The following MCF2L2 variants were observed in gnomAD, a reference collection of about 807,000 sequenced individuals.
MCF2L2 encodes MCF.2 cell line derived transforming sequence-like 2.
Under a neutral mutation model 150.2 loss-of-function variants are expected in MCF2L2, and 102 were observed. The observed-to-expected ratio is 0.68, with a 90% confidence interval of 0.58 to 0.80. The LOEUF (loss-of-function observed/expected upper bound fraction) is 0.80, where lower values mean the gene tolerates loss of function less well. Ranked by LOEUF, MCF2L2 falls within the 30% of genes least tolerant of loss-of-function variation. The pLI, the probability that MCF2L2 is intolerant of heterozygous loss-of-function variation, is 0.00. For synonymous variants in MCF2L2, 465 were observed against 491.3 expected (o/e 0.95, Z 0.71); for missense variants, 1,256 against 1,372.8 (o/e 0.91, Z 1.34).
intron 27 of MCF2L2, among the ~76,000 whole-genome samples, chr3:183,184,022 T>G (rs1371302213): frequency 6.6e-6 from 1 of 152,202 alleles, no homozygotes; most frequent in Non-Finnish European, 1.5e-5. Flanking sequence ...GTTTTGTTTT[T>G]TTGTTTGTTT....
At chr3:183,413,600 T>C (rs73061128) in intron 1 of MCF2L2, among the ~76,000 whole-genome samples, 10,130 of 152,234 alleles carry the variant, frequency 0.067, 486 homozygotes, top group African/African-American at 0.13. Context: ...ATCTCCAGGA[T>C]GCGGTCAAGA....
chr3:183,281,363 T>A (rs1258154324), intron 14 of MCF2L2, among the ~76,000 whole-genome samples: 1 of 116,318 alleles, frequency 8.6e-6, no homozygotes, highest in Non-Finnish European at 1.7e-5. Context: ...GAACCTCACC[T>A]TTTTTTTTTT....
chr3:183,207,914 A>C (rs1722557197), intron 22 of MCF2L2, 91 bp from the exon 23 acceptor site: 5 of 957,092 alleles, frequency 5.2e-6, no homozygotes, highest in South Asian at 1.6e-5. Flanking sequence ...TTTATAAAGC[A>C]TGCTTCTTTG....
At chr3:183,304,984 A>G (rs1272438312) in intron 10 of MCF2L2, among the ~76,000 whole-genome samples, 1 of 152,218 alleles carries the variant, frequency 6.6e-6, no homozygotes, top group Non-Finnish European at 1.5e-5. Flanking sequence ...TAATAACAAC[A>G]GCTAACATCT....
intron 10 of MCF2L2, among the ~76,000 whole-genome samples, chr3:183,301,653 G>C (rs1560009906): frequency 1.3e-5 from 2 of 152,088 alleles, no homozygotes; most frequent in African/African-American, 4.8e-5. Context: ...AAATTAGCCA[G>C]GCATGGCAGC....
chr3:183,295,298 A>G lies in MCF2L2; in HGVS notation c.1675+2T>C. ...AAAGCTTCTTTTCCTCAAATAACCTACCCGAGGTGGAGGGCTGGCTGGTTT... is the reference window on the plus strand; with the variant it reads ...AAAGCTTCTTTTCCTCAAATAACCTGCCCGAGGTGGAGGGCTGGCTGGTTT... On this transcript the variant is annotated splice_donor_variant, in intron 13 of 29. Transcript: ENST00000328913. LOFTEE classifies it high-confidence loss of function. 1 of 1,603,252 alleles carries G rather than the reference A, an allele frequency of 6.2e-7. No homozygotes were observed. The highest frequency in any genetic ancestry group is 2.2e-5 in the East Asian group (1 of 44,750).
rs376304754 is a variant in MCF2L2 at position 183,299,740 on chromosome 3, C to T, written c.1305+265G>A. The T allele has an allele frequency of 1.5e-4, 61 of 401,900 alleles. No homozygotes were observed. The South Asian group carries it at 1.7e-3, about 11-fold the overall frequency. The allele number at this position is 401,900 out of a possible 1,614,324, so 24.9% of individuals were successfully genotyped here. A position where few individuals can be genotyped will look rare whatever the true frequency, so the allele number is the denominator to read the frequency against. On this transcript the variant is annotated intron_variant, in intron 11 of 29. Transcript: ENST00000328913. ...CCACAGGGCCAAGCCAAAACACACT[C>T]TTAAAGTCCGGCTCCACACAGATAG... is the stretch of plus-strand genomic sequence containing the variant.
Position 183,427,984 on chromosome 3 carries a change from G to A in MCF2L2, c.-7C>T, listed in dbSNP as rs1275631691. On this transcript the variant is annotated 5_prime_UTR_variant, in exon 1 of 30. It introduces an in-frame stop codon into an upstream open reading frame of the 5' UTR. Transcript: ENST00000328913. ...CTTTTAAGCAAGACAGCATTTCACT[G>A]AAAAACCATTCCGTATAAATAAAGC... 6.2e-7 allele frequency: 1 copy of A among 1,610,082 alleles called. No individual in the cohort carries two copies. Among genetic ancestry groups the A allele is most frequent in the Non-Finnish European group, 8.5e-7 (1 of 1,176,458 alleles).
chr3:183,185,585 G>A (rs75130838), intron 27 of MCF2L2, among the ~76,000 whole-genome samples: 2,057 of 152,324 alleles, frequency 0.014, 47 homozygotes, highest in African/African-American at 0.047. Context: ...CTTCATCATT[G>A]TGTTGTGTGT....
intron 23 of MCF2L2, among the ~76,000 whole-genome samples, chr3:183,207,050 A>G (rs1230649113): frequency 6.6e-6 from 1 of 152,108 alleles, no homozygotes; most frequent in Non-Finnish European, 1.5e-5. Flanking sequence ...GCTACTATGA[A>G]CAAATTAACA....
chr3:183,310,361 G>A (rs1729308871), intron 9 of MCF2L2, among the ~76,000 whole-genome samples: 1 of 152,094 alleles, frequency 6.6e-6, no homozygotes. Context: ...AATTAGCTGA[G>A]TGTGGTGGTG....
intron 20 of MCF2L2, among the ~76,000 whole-genome samples, chr3:183,221,339 G>A (rs191803355): frequency 7.9e-5 from 12 of 152,274 alleles, no homozygotes; most frequent in Non-Finnish European, 1.3e-4. Context: ...CTCATTTAAT[G>A]CTCCCAACAA....
At chr3:183,406,257 C>G (rs1715033548) in intron 1 of MCF2L2, among the ~76,000 whole-genome samples, 2 of 152,110 alleles carry the variant, frequency 1.3e-5, no homozygotes, top group Admixed American at 1.3e-4. Context: ...GTCTTGGTAT[C>G]GTCATTTTTT....
intron 3 of MCF2L2, among the ~76,000 whole-genome samples, chr3:183,362,939 A>G (rs1490458437): frequency 1.3e-5 from 2 of 152,212 alleles, no homozygotes; most frequent in Non-Finnish European, 2.9e-5. Flanking sequence ...AGAACTGTTA[A>G]AACTCAACAA....
intron 1 of MCF2L2, among the ~76,000 whole-genome samples, chr3:183,394,684 T>A (rs1368027423): frequency 6.6e-6 from 1 of 152,244 alleles, no homozygotes; most frequent in African/African-American, 2.4e-5. Context: ...GCAGACAGAA[T>A]AATTGTTTAG....
At position 183,270,929 on chromosome 3, in the gene MCF2L2, T is replaced by G; in HGVS notation, c.1862+5943A>C. 6.4e-7 allele frequency: 1 copy of G among 1,563,708 alleles called. No homozygotes were observed. Among genetic ancestry groups the G allele is most frequent in the Non-Finnish European group, 8.6e-7 (1 of 1,159,810 alleles). On this transcript the variant is annotated intron_variant, in intron 15 of 29. Transcript: ENST00000328913. This position sits in a 1 kb window ranked among gnomAD's most constrained non-coding sequence, Gnocchi z 4.5. The stretch of plus-strand genomic sequence containing the variant: ...ACACATACCCTTGTAGGGCTGCGTT[T>G]ATCTAATAGTACTTGAATGTTGTAT...
chr3:183,356,111 CAAGA>C (rs1453557096), intron 3 of MCF2L2, among the ~76,000 whole-genome samples: 1 of 140,156 alleles, frequency 7.1e-6, no homozygotes, highest in Non-Finnish European at 1.5e-5. Context: ...AGACCATATG[CAAGA>C]AAGACTCAAA....
At chr3:183,299,105 A>C (rs1728709187) in intron 11 of MCF2L2, 1 of 152,380 alleles carries the variant, frequency 6.6e-6, no homozygotes, top group Non-Finnish European at 1.5e-5. Flanking sequence ...GACTGGGAAC[A>C]TACCCTAGAG....
At chr3:183,243,911 C>T (rs544876313) in intron 15 of MCF2L2, among the ~76,000 whole-genome samples, 5 of 152,158 alleles carry the variant, frequency 3.3e-5, no homozygotes, top group Admixed American at 6.5e-5. Flanking sequence ...CCAAGGCAGG[C>T]GGATCACGAG....
Sources: gnomAD v4.1 joint callset for allele counts (sites outside exome capture counted in the v4.1 genomes callset) on GRCh38, gnomAD v4.1.1 for gene constraint, Gnocchi (gnomAD v3.1) non-coding constraint, MANE v1.5 for transcripts, NCBI Gene and HGNC (gene_info 2026-07-23, HGNC 2026-07-21) for gene names.